ATF6: variants seen among roughly 807,000 people sequenced by gnomAD.
ATF6 encodes cyclic AMP-dependent transcription factor ATF-6 alpha.
In ATF6, 53 loss-of-function variants were observed where a neutral mutation model predicts 83.6. That is an observed-to-expected ratio of 0.63 (90% confidence interval 0.51 to 0.80). ATF6 has a LOEUF of 0.80. Ranked by LOEUF, ATF6 falls within the 30% of genes least tolerant of loss-of-function variation. ATF6 has a pLI of 0.00. For missense variants in ATF6, 744 were observed against 797.9 expected (o/e 0.93, Z 0.81); for synonymous variants, 288 against 285.8 (o/e 1.01, Z -0.08).
intron 15 of ATF6, among the ~76,000 whole-genome samples, chr1:161,941,040 C>CACACATTA (rs1305177070): frequency 2.0e-5 from 3 of 152,174 alleles, no homozygotes; most frequent in Admixed American, 2.0e-4. Flanking sequence ...ACTCATCTCT[C>CACACATTA]AGTGCCCAAC....
intron 11 of ATF6, among the ~76,000 whole-genome samples, chr1:161,852,543 A>G (rs952708480): frequency 1.3e-5 from 2 of 152,148 alleles, no homozygotes; most frequent in Admixed American, 1.3e-4. Context: ...GTTCTCTACA[A>G]TGTGTCTCAA....
chr1:161,905,977 C>T (rs549793684), intron 14 of ATF6, among the ~76,000 whole-genome samples: 18 of 152,154 alleles, frequency 1.2e-4, no homozygotes, highest in African/African-American at 2.6e-4. Context: ...GGACCACAGG[C>T]GCCTGCCACC....
intron 4 of ATF6, among the ~76,000 whole-genome samples, chr1:161,786,711 T>C (rs1684756105): frequency 6.6e-6 from 1 of 152,224 alleles, no homozygotes; most frequent in Non-Finnish European, 1.5e-5. Flanking sequence ...TCCAATACTT[T>C]AGTGTCTACT....
chr1:161,790,637 C>T (rs539951496), intron 4 of ATF6, among the ~76,000 whole-genome samples: 11 of 152,148 alleles, frequency 7.2e-5, no homozygotes, highest in Admixed American at 5.9e-4. Flanking sequence ...TGGTGAAACC[C>T]CCTCTCTACC....
chr1:161,829,139 C>G (rs893504108), intron 9 of ATF6, among the ~76,000 whole-genome samples: 1 of 150,524 alleles, frequency 6.6e-6, no homozygotes, highest in African/African-American at 2.4e-5. Flanking sequence ...AAAGCAAGTC[C>G]TTAGAGACCT....
At chr1:161,866,145 A>G (rs1686993066) in intron 14 of ATF6, among the ~76,000 whole-genome samples, 1 of 152,242 alleles carries the variant, frequency 6.6e-6, no homozygotes, top group Non-Finnish European at 1.5e-5. Context: ...CCAGAGCCCC[A>G]GGTTTCGGCT....
chr1:161,814,861 ATG>A (rs1685573888), intron 7 of ATF6, among the ~76,000 whole-genome samples: 1 of 152,202 alleles, frequency 6.6e-6, no homozygotes, highest in Non-Finnish European at 1.5e-5. Flanking sequence ...GATTTTAACT[ATG>A]TGTGTTTTTT....
At chr1:161,873,050 TTAAAG>T (rs1414979099) in intron 14 of ATF6, among the ~76,000 whole-genome samples, 29 of 151,508 alleles carry the variant, frequency 1.9e-4, no homozygotes, top group African/African-American at 7.0e-4. Flanking sequence ...TGTTTTCTGT[TTAAAG>T]TAAAAGCATG....
At chr1:161,833,224 G>C (rs1557985289) in intron 9 of ATF6, among the ~76,000 whole-genome samples, 2 of 152,132 alleles carry the variant, frequency 1.3e-5, no homozygotes, top group Non-Finnish European at 2.9e-5. Flanking sequence ...CTAACAAACA[G>C]AAAGGACATC....
intron 7 of ATF6, among the ~76,000 whole-genome samples, chr1:161,807,756 TTTG>T (rs1259271531): frequency 3.9e-5 from 6 of 152,112 alleles, no homozygotes; most frequent in Non-Finnish European, 8.8e-5. Context: ...ACAGCTTTTT[TTTG>T]TTGTTGTTTA....
intron 14 of ATF6, among the ~76,000 whole-genome samples, chr1:161,885,486 T>C (rs2101863085): frequency 6.6e-6 from 1 of 152,270 alleles, no homozygotes; most frequent in East Asian, 1.9e-4. Context: ...TGTGAAGCTG[T>C]ATGCTATTGA....
chr1:161,774,446 T>C (rs1300698423), intron 1 of ATF6, among the ~76,000 whole-genome samples: 3 of 151,718 alleles, frequency 2.0e-5, no homozygotes, highest in Non-Finnish European at 4.4e-5. Context: ...CATACACACA[T>C]ATATATACAT....
At chr1:161,838,337 T>G (rs1305394338) in intron 9 of ATF6, among the ~76,000 whole-genome samples, 1 of 152,204 alleles carries the variant, frequency 6.6e-6, no homozygotes, top group East Asian at 1.9e-4. Flanking sequence ...GTATCAGTTA[T>G]CTAATACTGT....
intron 14 of ATF6, among the ~76,000 whole-genome samples, chr1:161,882,845 G>T (rs1687347118): frequency 1.3e-5 from 2 of 151,578 alleles, no homozygotes; most frequent in Non-Finnish European, 3.0e-5. Flanking sequence ...AGGTTTAAAT[G>T]AAATAATAAG....
In ATF6 at chr1:161,766,427, C is replaced by T. The variant is rs149825732; in HGVS notation, c.67C>T (p.Leu23=). The T allele has an allele frequency of 2.5e-5, 41 of 1,613,258 alleles. No individual in the cohort carries two copies. The highest frequency in any genetic ancestry group is 2.8e-5 in the Non-Finnish European group (33 of 1,179,612). ...TTTTAGCCCGGGACTCTTTCACAGG[C>T]TGGATGAAGATTGGGGTGAGTGGGA... ...SPFSPGLFHR[L]DEDWDSALFA... is the part of the protein sequence containing the mutation. Residue 23 remains leucine (L), a synonymous_variant, in exon 1 of 16, where the codon CTG becomes TTG. Coordinates refer to ENST00000367942, the MANE Select transcript of ATF6 (RefSeq NM_007348.4).
chr1:161,844,732 A>G (rs1686441923), intron 9 of ATF6, among the ~76,000 whole-genome samples: 2 of 152,034 alleles, frequency 1.3e-5, no homozygotes, highest in African/African-American at 2.4e-5. Flanking sequence ...TTTTTTTTAA[A>G]GTTAGTTTCC....
chr1:161,821,593 G>A (rs1194021117), intron 9 of ATF6, among the ~76,000 whole-genome samples: 4 of 152,146 alleles, frequency 2.6e-5, no homozygotes, highest in Non-Finnish European at 5.9e-5. Context: ...ATGTTTAAAG[G>A]CACAGTTATG....
chr1:161,878,928 AG>A (rs1687271697), intron 14 of ATF6, among the ~76,000 whole-genome samples: 1 of 152,136 alleles, frequency 6.6e-6, no homozygotes, highest in East Asian at 1.9e-4. Context: ...AATAGAGAAA[AG>A]GTAGGGTTTT....
intron 14 of ATF6, among the ~76,000 whole-genome samples, chr1:161,886,100 T>C (rs1378388154): frequency 6.6e-6 from 1 of 151,752 alleles, no homozygotes; most frequent in Non-Finnish European, 1.5e-5. Flanking sequence ...GAAGGATGAG[T>C]AGGGTAGAGA....
Sources: allele counts gnomAD v4.1 joint callset (sites outside exome capture counted in the v4.1 genomes callset), GRCh38; gene constraint gnomAD v4.1.1; transcripts MANE v1.5; gene names NCBI Gene and HGNC (gene_info 2026-07-23, HGNC 2026-07-21).